Variants in ADCY8 observed in about 807,000 individuals in gnomAD.
The protein encoded by ADCY8 is adenylate cyclase type 8.
In ADCY8, 51 loss-of-function variants were observed where a neutral mutation model predicts 119.7. The observed-to-expected ratio is 0.43, with a 90% CI of 0.34 to 0.54. ADCY8 has a LOEUF of 0.54. Among genes scored for constraint, ADCY8 ranks in the 20% least tolerant of loss-of-function variants. The pLI, the probability that ADCY8 is intolerant of heterozygous loss-of-function variation, is 0.03. For missense variants in ADCY8, 1,383 were observed against 1,598.8 expected (o/e 0.87, Z 2.30); for synonymous variants, 665 against 651.0 (o/e 1.02, Z -0.33).
intron 2 of ADCY8, among the ~76,000 whole-genome samples, chr8:130,973,685 A>T (rs1407094417): frequency 6.6e-6 from 1 of 152,230 alleles, no homozygotes; most frequent in Non-Finnish European, 1.5e-5. Context: ...ATGAATTAAC[A>T]CATATGGAAA....
At chr8:130,835,948 T>C (rs1351685146) in intron 12 of ADCY8, among the ~76,000 whole-genome samples, 1 of 152,194 alleles carries the variant, frequency 6.6e-6, no homozygotes, top group Non-Finnish European at 1.5e-5. Flanking sequence ...CTGCTATTAT[T>C]AATATTGCTA....
At chr8:130,951,782 CA>C in intron 3 of ADCY8, 85 bp downstream of exon 3, 1 of 1,528,774 alleles carries the variant, frequency 6.5e-7, no homozygotes, top group Non-Finnish European at 8.9e-7. Flanking sequence ...GACATTCAAG[CA>C]GACGGAAGTC....
rs189722944 is a variant in ADCY8 at position 131,006,025 on chromosome 8, C to T, written c.961-15483G>A. Reference sequence around the variant, plus strand: ...CCTGCTCCCACTCCAAATTCTCTCTCTCTCTCTCTTTCTCTCTCTCTGTCA... The same window carrying T: ...CCTGCTCCCACTCCAAATTCTCTCTTTCTCTCTCTTTCTCTCTCTCTGTCA... On this transcript the variant is annotated intron_variant, in intron 1 of 17. Coordinates refer to ENST00000286355, the MANE Select transcript of ADCY8 (RefSeq NM_001115.3). 6.6e-5 allele frequency among the ~76,000 whole-genome samples: 10 copies of T among 152,196 alleles called. No homozygotes were observed. In the East Asian group the frequency reaches 1.7e-3, roughly 26 times the overall value.
intron 4 of ADCY8, among the ~76,000 whole-genome samples, chr8:130,942,375 T>C (rs1427125235): frequency 3.9e-5 from 6 of 152,236 alleles, no homozygotes; most frequent in East Asian, 3.8e-4. Context: ...TGTGTTTCCA[T>C]GGCCCCCAGA....
chr8:130,966,230 C>G (rs541289412), intron 2 of ADCY8, among the ~76,000 whole-genome samples: 2 of 152,320 alleles, frequency 1.3e-5, no homozygotes, highest in East Asian at 3.9e-4. Flanking sequence ...CCTCTCACTT[C>G]TCAGCCACTA....
chr8:130,810,370 A>ACACACACACACAC lies in ADCY8; in HGVS notation c.2913+3686_2913+3698dup, dbSNP rs1432071241. On this transcript the variant is annotated intron_variant, in intron 14 of 17. Coordinates refer to ENST00000286355, the MANE Select transcript of ADCY8 (RefSeq NM_001115.3). The stretch of plus-strand genomic sequence containing the variant: ...TCTACACACACACACACACACACAC[A>ACACACACACACAC]CACACACACACACACACTAGTCTTG... 1.4e-3 allele frequency among the ~76,000 whole-genome samples: 216 copies of ACACACACACACAC among 151,694 alleles called. 1 individual carries two copies. Among genetic ancestry groups the ACACACACACACAC allele is most frequent in the African/African-American group, 5.1e-3 (211 of 41,288 alleles).
intron 2 of ADCY8, among the ~76,000 whole-genome samples, chr8:130,989,265 T>C (rs1233224482): frequency 6.6e-6 from 1 of 152,178 alleles, no homozygotes; most frequent in Non-Finnish European, 1.5e-5. Context: ...CAGATGGCAG[T>C]GGGAGTTCAG....
intron 2 of ADCY8, among the ~76,000 whole-genome samples, chr8:130,954,635 CCTTTACTATAG>C (rs371064374): frequency 6.6e-6 from 1 of 152,318 alleles, no homozygotes; most frequent in African/African-American, 2.4e-5. Flanking sequence ...TTATACTCAA[CCTTTACTATAG>C]CTCCATAAAA....
At chr8:130,885,293 T>C (rs941406754) in intron 7 of ADCY8, among the ~76,000 whole-genome samples, 2 of 152,056 alleles carry the variant, frequency 1.3e-5, no homozygotes, top group South Asian at 4.2e-4. Flanking sequence ...TTAAACTTGA[T>C]AAAGATTGCT....
intron 2 of ADCY8, among the ~76,000 whole-genome samples, chr8:130,968,122 G>A (rs1054047281): frequency 2.0e-5 from 3 of 152,128 alleles, no homozygotes; most frequent in Non-Finnish European, 2.9e-5. Flanking sequence ...AAGAGGGACC[G>A]TGGTCTGTAG....
chr8:130,877,664 A>G (rs1320794136), intron 8 of ADCY8, among the ~76,000 whole-genome samples: 2 of 152,242 alleles, frequency 1.3e-5, no homozygotes, highest in African/African-American at 4.8e-5. Context: ...TAAAACATCT[A>G]TCATCCTTGA....
At chr8:130,816,427 C>CT (rs59803292) in intron 13 of ADCY8, among the ~76,000 whole-genome samples, 4,711 of 121,030 alleles carry the variant, frequency 0.039, 386 homozygotes, top group African/African-American at 0.13. Context: ...ATTTTTTTTT[C>CT]TTTTTTTTTT....
Position 130,937,148 on chromosome 8 carries a change from G to C in ADCY8, c.1406C>G (p.Ser469Cys), listed in dbSNP as rs1820812648. The change falls in exon 5 of 18, where the codon TCT (serine) becomes TGT (cysteine). Residue 469 changes from serine to cysteine, a missense_variant. Coordinates refer to ENST00000286355, the MANE Select transcript of ADCY8 (RefSeq NM_001115.3). ...GTCCTGGCGGGGCTCAGGAAGTCCA[G>C]ACACGCAGTAGTAGCAGTCCCCCAG... ...KILGDCYYCV[S>C]GLPEPRQDHA... 6.2e-7 allele frequency: 1 copy of C among 1,613,908 alleles called. No homozygotes were observed. Among genetic ancestry groups the C allele is most frequent in the Non-Finnish European group, 8.5e-7 (1 of 1,179,876 alleles).
intron 14 of ADCY8, among the ~76,000 whole-genome samples, chr8:130,812,913 G>A (rs1816213774): frequency 6.7e-6 from 1 of 150,266 alleles, no homozygotes; most frequent in Non-Finnish European, 1.5e-5. Flanking sequence ...TTTTAATTGT[G>A]GTAAAATGCA....
intron 2 of ADCY8, among the ~76,000 whole-genome samples, chr8:130,983,039 A>G (rs7830999): frequency 0.1 from 15,823 of 152,220 alleles, 2,642 homozygotes; most frequent in African/African-American, 0.35. Flanking sequence ...GTGGGAGTGG[A>G]ACATCTCATC....
rs114615704 is a variant in ADCY8, at chr8:130,945,364, A to G, written c.1242-1902T>C. Among the ~76,000 whole-genome samples the G allele has an allele frequency of 4.0e-3, 608 of 152,356 alleles. 4 individuals carry two copies. The highest frequency in any genetic ancestry group is 0.014 in the African/African-American group (588 of 41,582). On this transcript the variant is annotated intron_variant, in intron 3 of 17. Coordinates refer to ENST00000286355, the MANE Select transcript of ADCY8 (RefSeq NM_001115.3). ...CTAAGCTACCTTTGGCAGAGTGACT[A>G]TACTGCCATTGTCTTCTACAGTTCC...
chr8:130,837,864 A>G (rs2130266164), intron 11 of ADCY8, among the ~76,000 whole-genome samples: 1 of 152,358 alleles, frequency 6.6e-6, no homozygotes, highest in Admixed American at 6.5e-5. Context: ...TGAGGTTCAT[A>G]GAGCTTAAGT....
intron 15 of ADCY8, among the ~76,000 whole-genome samples, chr8:130,790,706 A>G (rs541606895): frequency 6.6e-6 from 1 of 152,010 alleles, no homozygotes; most frequent in Non-Finnish European, 1.5e-5. Flanking sequence ...GCTGGTAGGG[A>G]TTCACTCCCT....
At chr8:130,966,260 C>A (rs1179736416) in intron 2 of ADCY8, among the ~76,000 whole-genome samples, 1 of 152,190 alleles carries the variant, frequency 6.6e-6, no homozygotes, top group African/African-American at 2.4e-5. Context: ...GATCCTTGCA[C>A]CTTATGTCTA....
Sources: allele counts gnomAD v4.1 joint callset (sites outside exome capture counted in the v4.1 genomes callset), GRCh38; gene constraint gnomAD v4.1.1; transcripts MANE v1.5; gene names NCBI Gene and HGNC (gene_info 2026-07-23, HGNC 2026-07-21).